Variants in EPHB1 observed in about 807,000 individuals in gnomAD.
EPHB1 encodes EPH receptor B1, also known as ephrin type-B receptor 1.
A neutral mutation model predicts 94.4 loss-of-function variants in EPHB1; 30 were observed. That is an observed-to-expected ratio of 0.32 (90% CI 0.24 to 0.43). EPHB1 has a LOEUF of 0.43. Among genes scored for constraint, EPHB1 ranks in the 20% least tolerant of loss-of-function variants. The probability of loss-of-function intolerance (pLI) is 1.00; values close to 1 mark genes in which losing one functional copy is unlikely to be tolerated. For synonymous variants in EPHB1, 522 were observed against 489.1 expected (o/e 1.07, Z -0.89); for missense variants, 1,055 against 1,308.3 (o/e 0.81, Z 2.99).
intron 3 of EPHB1, among the ~76,000 whole-genome samples, chr3:135,040,240 C>A (rs1936790185): frequency 6.6e-6 from 1 of 152,192 alleles, no homozygotes; most frequent in South Asian, 2.1e-4. Flanking sequence ...ATAATACTTT[C>A]CTTTCAGGAG....
chr3:134,994,490 C>T (rs759245862), intron 3 of EPHB1, among the ~76,000 whole-genome samples: 4 of 152,232 alleles, frequency 2.6e-5, no homozygotes, highest in Non-Finnish European at 4.4e-5. Context: ...CAAGTCATAG[C>T]CTCTTCCACG....
intron 3 of EPHB1, among the ~76,000 whole-genome samples, chr3:135,075,325 A>C (rs992048049): frequency 6.6e-6 from 1 of 152,124 alleles, no homozygotes; most frequent in Admixed American, 6.5e-5. Context: ...TGTCAACTGC[A>C]GGGTTAGATT....
chr3:135,234,327 C>G (rs1442498056), intron 12 of EPHB1, among the ~76,000 whole-genome samples: 1 of 152,210 alleles, frequency 6.6e-6, no homozygotes, highest in South Asian at 2.1e-4. Flanking sequence ...CCAACAAGTT[C>G]TTCTTCTCCA....
rs542493255 is a variant in EPHB1, at chr3:134,837,876, C to T, written c.58+42187C>T. ...TTCATGCAATTTCTTTCAAGATGCA[C>T]TCTAGATAAGCAGTCATACCTCCTG... On this transcript the variant is annotated intron_variant, in intron 1 of 15. Transcript: ENST00000398015. 1.2e-4 allele frequency among the ~76,000 whole-genome samples: 19 copies of T among 152,262 alleles called. No homozygotes were observed. In the South Asian group the frequency reaches 3.7e-3, roughly 30 times the overall value.
intron 3 of EPHB1, among the ~76,000 whole-genome samples, chr3:135,010,558 G>GTTTTTTTTTTTT (rs58579496): frequency 2.5e-4 from 28 of 110,340 alleles, no homozygotes; most frequent in Non-Finnish European, 3.7e-4. Flanking sequence ...ATTTTTTTCT[G>GTTTTTTTTTTTT]TTTTTTTTTT....
chr3:134,806,509 C>T (rs565902683), intron 1 of EPHB1, among the ~76,000 whole-genome samples: 16 of 152,174 alleles, frequency 1.1e-4, no homozygotes, highest in Admixed American at 8.5e-4. Flanking sequence ...TAGGGAGAGC[C>T]AAGCTTTCCT....
At chr3:135,225,176 G>C (rs923157708) in intron 12 of EPHB1, among the ~76,000 whole-genome samples, 1 of 152,082 alleles carries the variant, frequency 6.6e-6, no homozygotes, top group Non-Finnish European at 1.5e-5. Flanking sequence ...ACCTGTCCTC[G>C]TTTCACCCAC....
At chr3:134,911,630 G>A (rs2038457335) in intron 1 of EPHB1, among the ~76,000 whole-genome samples, 1 of 152,156 alleles carries the variant, frequency 6.6e-6, no homozygotes. Context: ...TGTGAGGGGA[G>A]TGGTACCCAT....
At chr3:134,817,306 G>A (rs970318894) in intron 1 of EPHB1, among the ~76,000 whole-genome samples, 1 of 152,212 alleles carries the variant, frequency 6.6e-6, no homozygotes, top group Non-Finnish European at 1.5e-5. Context: ...AACAATGTCA[G>A]TATTGCCTGC....
At chr3:135,012,420 C>T (rs1935651547) in intron 3 of EPHB1, among the ~76,000 whole-genome samples, 1 of 152,322 alleles carries the variant, frequency 6.6e-6, no homozygotes, top group Middle Eastern at 3.4e-3. Context: ...CTGGCTTGTA[C>T]ACACACACTT....
chr3:135,132,081 G>T (rs758365929), intron 4 of EPHB1, among the ~76,000 whole-genome samples: 1 of 152,088 alleles, frequency 6.6e-6, no homozygotes, highest in African/African-American at 2.4e-5. Flanking sequence ...GTTTTCTTAC[G>T]TCATGGGGCC....
chr3:134,807,311 C>T (rs966500187), intron 1 of EPHB1, among the ~76,000 whole-genome samples: 3 of 152,176 alleles, frequency 2.0e-5, no homozygotes, highest in African/African-American at 7.2e-5. Context: ...AAAGAAGACA[C>T]AGACTTTCCT....
At chr3:135,063,355 A>T (rs778447978) in intron 3 of EPHB1, among the ~76,000 whole-genome samples, 46 of 152,028 alleles carry the variant, frequency 3.0e-4, no homozygotes, top group Non-Finnish European at 6.5e-4. Context: ...GTCATCTGTG[A>T]TTTCTTTCAG....
At chr3:134,900,755 G>A (rs1387182312) in intron 1 of EPHB1, among the ~76,000 whole-genome samples, 3 of 152,190 alleles carry the variant, frequency 2.0e-5, no homozygotes, top group East Asian at 3.8e-4. Context: ...ATGTAGGTGT[G>A]AGGGGGCATG....
chr3:135,134,997 A>C (rs1333014809), intron 5 of EPHB1, among the ~76,000 whole-genome samples: 2 of 152,238 alleles, frequency 1.3e-5, no homozygotes, highest in East Asian at 3.9e-4. Context: ...GGCTCTTGCA[A>C]GGGGCCCTGC....
intron 3 of EPHB1, among the ~76,000 whole-genome samples, chr3:134,990,374 C>T (rs900339854): frequency 6.6e-6 from 1 of 152,094 alleles, no homozygotes; most frequent in Admixed American, 6.5e-5. Context: ...TTATTATAAG[C>T]TCTCTGAATA....
chr3:134,840,064 C>T (rs1256658816), intron 1 of EPHB1, among the ~76,000 whole-genome samples: 2 of 152,192 alleles, frequency 1.3e-5, no homozygotes, highest in Non-Finnish European at 2.9e-5. Flanking sequence ...ACACTCCCCT[C>T]CACTTGGCAC....
chr3:135,194,616 G>A (rs1942547517), intron 11 of EPHB1, among the ~76,000 whole-genome samples: 1 of 152,168 alleles, frequency 6.6e-6, no homozygotes, highest in Admixed American at 6.5e-5. Flanking sequence ...AAGGGTAGCT[G>A]GGGGACTTGT....
At chr3:134,865,864 C>T (rs771031716) in intron 1 of EPHB1, among the ~76,000 whole-genome samples, 2 of 152,126 alleles carry the variant, frequency 1.3e-5, no homozygotes, top group East Asian at 1.9e-4. Context: ...AAGGTTAAAA[C>T]GGTTGGATAT....
Sources: gnomAD v4.1 joint callset for allele counts (sites outside exome capture counted in the v4.1 genomes callset) on GRCh38, gnomAD v4.1.1 for gene constraint, MANE v1.5 for transcripts, NCBI Gene and HGNC (gene_info 2026-07-23, HGNC 2026-07-21) for gene names.